The following PPP2R2B variants were observed in gnomAD, a reference collection of about 807,000 sequenced individuals.
The protein encoded by PPP2R2B is serine/threonine-protein phosphatase 2A 55 kDa regulatory subunit B beta isoform.
A neutral mutation model predicts 46.0 loss-of-function variants in PPP2R2B; 5 were observed. The ratio of observed to expected loss-of-function variants is 0.11; its 90% CI spans 0.06 to 0.23. The LOEUF is 0.23. Ranked by LOEUF, PPP2R2B falls within the 10% of genes least tolerant of loss-of-function variation. The probability of loss-of-function intolerance (pLI) is 1.00; values close to 1 mark genes in which losing one functional copy is unlikely to be tolerated. For synonymous variants in PPP2R2B, 215 were observed against 206.7 expected (o/e 1.04, Z -0.34); for missense variants, 367 against 575.0 (o/e 0.64, Z 3.70).
intron 2 of PPP2R2B, among the ~76,000 whole-genome samples, chr5:147,069,977 G>T (rs1757538660): frequency 2.6e-5 from 4 of 151,644 alleles, no homozygotes; most frequent in African/African-American, 9.7e-5. Flanking sequence ...TTTTAGTAGA[G>T]ACAGAGTTTC....
intron 1 of PPP2R2B, among the ~76,000 whole-genome samples, chr5:147,021,287 A>T (rs1755254114): frequency 1.3e-5 from 2 of 152,204 alleles, no homozygotes; most frequent in Admixed American, 1.3e-4. Context: ...ACCCAAGGAA[A>T]ACATGACAGT....
chr5:146,721,565 T>C (rs1561857587), intron 2 of PPP2R2B, among the ~76,000 whole-genome samples: 3 of 152,254 alleles, frequency 2.0e-5, no homozygotes, highest in Non-Finnish European at 2.9e-5. Flanking sequence ...ACAGTTTCAA[T>C]GGCACCAAAT....
chr5:146,933,928 G>T (rs201624064), intron 1 of PPP2R2B, among the ~76,000 whole-genome samples: 1 of 148,936 alleles, frequency 6.7e-6, no homozygotes, highest in Admixed American at 6.8e-5. Context: ...GAGAACATGC[G>T]GTGTTTGGTT....
chr5:146,985,165 C>T (rs958423634), intron 1 of PPP2R2B, among the ~76,000 whole-genome samples: 1 of 151,754 alleles, frequency 6.6e-6, no homozygotes, highest in Non-Finnish European at 1.5e-5. Flanking sequence ...GGATTATAGG[C>T]ATGTGCCACC....
intron 2 of PPP2R2B, among the ~76,000 whole-genome samples, chr5:146,761,716 A>G (rs1000353954): frequency 4.6e-5 from 7 of 152,160 alleles, no homozygotes; most frequent in African/African-American, 7.2e-5. Context: ...GCCATGTCTC[A>G]TTTCTTTTTT....
intron 1 of PPP2R2B, among the ~76,000 whole-genome samples, chr5:147,036,440 T>C (rs546012696): frequency 1.3e-5 from 2 of 152,344 alleles, no homozygotes; most frequent in South Asian, 4.1e-4. Flanking sequence ...GTTGACTCCA[T>C]GTCTTTGCTA....
At chr5:146,874,242 A>T (rs1183090255) in intron 2 of PPP2R2B, among the ~76,000 whole-genome samples, 1 of 152,252 alleles carries the variant, frequency 6.6e-6, no homozygotes, top group African/African-American at 2.4e-5. Flanking sequence ...CTGAGGACAG[A>T]GACCACGTCT....
At chr5:146,864,581 C>T (rs940492637) in intron 2 of PPP2R2B, among the ~76,000 whole-genome samples, 2 of 152,044 alleles carry the variant, frequency 1.3e-5, no homozygotes, top group Admixed American at 1.3e-4. Context: ...ATATACTCAT[C>T]TACAAATGAT....
chr5:146,660,495 C>A (rs977791344), intron 5 of PPP2R2B, among the ~76,000 whole-genome samples: 18 of 152,134 alleles, frequency 1.2e-4, no homozygotes, highest in African/African-American at 4.3e-4. Context: ...TTCCATGGAT[C>A]AATGGTGGAT....
intron 2 of PPP2R2B, among the ~76,000 whole-genome samples, chr5:147,077,923 A>T (rs1411681597): frequency 6.6e-6 from 1 of 152,248 alleles, no homozygotes; most frequent in African/African-American, 2.4e-5. Flanking sequence ...CTAAGGGCAT[A>T]TGTGTAAAAT....
In PPP2R2B at chr5:147,013,337, C is replaced by A. The variant is rs1422422598; in HGVS notation, c.79+42328G>T. On this transcript the variant is annotated intron_variant, in intron 1 of 8. Coordinates refer to the PPP2R2B transcript ENST00000336640. Reference sequence around the variant, plus strand: ...AGGTAATTTACAGATTCAATGCCATCCCCATCAAGCTACCAATGCCTTTCT... The same window carrying A: ...AGGTAATTTACAGATTCAATGCCATACCCATCAAGCTACCAATGCCTTTCT... Among the ~76,000 whole-genome samples the A allele has an allele frequency of 2.0e-5, 2 of 98,390 alleles. 1 individual carries two copies. Among genetic ancestry groups the A allele is most frequent in the Non-Finnish European group, 5.0e-5 (2 of 39,884 alleles). The allele number at this position is 98,390 out of a possible 152,430, so 64.5% of individuals were successfully genotyped here.
upstream of PPP2R2B, among the ~76,000 whole-genome samples, chr5:147,060,070 G>A (rs1340636296): frequency 6.6e-6 from 1 of 152,060 alleles, no homozygotes; most frequent in Non-Finnish European, 1.5e-5. Context: ...ATATTAATCA[G>A]GATGAGCCTG....
intron 1 of PPP2R2B, among the ~76,000 whole-genome samples, chr5:147,001,659 C>T (rs1445939442): frequency 1.3e-5 from 2 of 152,174 alleles, no homozygotes; most frequent in Non-Finnish European, 1.5e-5. Flanking sequence ...CATCGCCTAT[C>T]GCCAAGTGGT....
At chr5:146,857,952 T>G (rs927534621) in intron 2 of PPP2R2B, among the ~76,000 whole-genome samples, 2 of 152,198 alleles carry the variant, frequency 1.3e-5, no homozygotes, top group Non-Finnish European at 2.9e-5. Flanking sequence ...CCTCCCAAAG[T>G]GCTGGGATTA....
intron 8 of PPP2R2B, among the ~76,000 whole-genome samples, chr5:146,596,300 A>G (rs574981006): frequency 3.5e-4 from 54 of 152,232 alleles, no homozygotes; most frequent in Non-Finnish European, 5.3e-4. Flanking sequence ...AGATCTGTGA[A>G]TGCATGTATG....
intron 5 of PPP2R2B, among the ~76,000 whole-genome samples, chr5:146,689,546 A>T (rs755474574): frequency 2.6e-5 from 4 of 152,140 alleles, no homozygotes; most frequent in Non-Finnish European, 4.4e-5. Flanking sequence ...GCATAAGTAT[A>T]CTCTATGATG....
At chr5:146,718,235 A>T (rs898708077) in intron 2 of PPP2R2B, among the ~76,000 whole-genome samples, 1 of 152,094 alleles carries the variant, frequency 6.6e-6, no homozygotes, top group African/African-American at 2.4e-5. Flanking sequence ...AAAAAATACA[A>T]AGATTAGCCT....
chr5:146,994,807 T>G lies in PPP2R2B; in HGVS notation c.79+60858A>C, dbSNP rs1753852990. ...TTAATGTATCATATACTCAGCACTG[T>G]GCCAACTGCAAGAGATGCAGTGGTA... On this transcript the variant is annotated intron_variant, in intron 1 of 8. Transcript: ENST00000336640. 2.0e-5 allele frequency among the ~76,000 whole-genome samples: 3 copies of G among 152,208 alleles called. No individual in the cohort carries two copies. The South Asian group carries it at 6.2e-4, about 31-fold the overall frequency.
chr5:146,779,401 G>T (rs924356214), intron 2 of PPP2R2B, among the ~76,000 whole-genome samples: 2 of 152,090 alleles, frequency 1.3e-5, no homozygotes, highest in Non-Finnish European at 2.9e-5. Flanking sequence ...GTACAGTGAG[G>T]CGTGCGATTG....
Sources: gnomAD v4.1 joint callset for allele counts (sites outside exome capture counted in the v4.1 genomes callset) on GRCh38, gnomAD v4.1.1 for gene constraint, MANE v1.5 for transcripts, NCBI Gene and HGNC (gene_info 2026-07-23, HGNC 2026-07-21) for gene names.